Variants in BTBD1 observed in about 807,000 individuals in gnomAD.
BTBD1 encodes the protein BTB domain containing 1.
A neutral mutation model predicts 48.0 loss-of-function variants in BTBD1; 34 were observed. The ratio of observed to expected loss-of-function variants is 0.71; its 90% CI spans 0.54 to 0.94. The LOEUF is 0.94. Ranked by LOEUF, BTBD1 falls within the 40% of genes least tolerant of loss-of-function variation. BTBD1 has a pLI of 0.00. For synonymous variants in BTBD1, 261 were observed against 242.1 expected, an observed-to-expected ratio of 1.08 and a Z score of -0.72; for missense variants, 543 against 625.6, an observed-to-expected ratio of 0.87 and a Z score of 1.41.
rs555868054 is a variant in BTBD1, at chr15:83,033,605, G to A, written c.863-3277C>T. On this transcript the variant is annotated intron_variant, in intron 4 of 7. Transcript: ENST00000261721. ...AATTTTATTTATTTATTTAGAGACA[G>A]GGTCTCACTGTTGCCCAGGTATGGA... Among the ~76,000 whole-genome samples the A allele has an allele frequency of 2.6e-4, 39 of 152,144 alleles. 2 individuals carry two copies. In the South Asian group the frequency reaches 7.7e-3, roughly 30 times the overall value.
intron 5 of BTBD1, among the ~76,000 whole-genome samples, chr15:83,021,662 G>A (rs2032297893): frequency 6.6e-6 from 1 of 151,934 alleles, no homozygotes; most frequent in Non-Finnish European, 1.5e-5. Context: ...ACTGAGGCAG[G>A]AGAATCGTTT....
At chr15:83,022,174 T>G (rs1381467535) in intron 5 of BTBD1, 1 of 151,874 alleles carries the variant, frequency 6.6e-6, no homozygotes, top group Non-Finnish European at 1.5e-5. Flanking sequence ...GCCTCCCAAG[T>G]AGCTGGGCTG....
At chr15:83,060,919 C>CA (rs2033166486) in intron 1 of BTBD1, among the ~76,000 whole-genome samples, 1 of 152,132 alleles carries the variant, frequency 6.6e-6, no homozygotes, top group Admixed American at 6.5e-5. Context: ...TCATTTTACT[C>CA]AAAAACATTT....
At chr15:83,019,501 A>G (rs536371697) in intron 6 of BTBD1, among the ~76,000 whole-genome samples, 150 of 151,138 alleles carry the variant, frequency 9.9e-4, no homozygotes, top group African/African-American at 3.5e-3. Context: ...TGTTTCTATT[A>G]TTTTACTCAC....
At chr15:83,037,622 T>C (rs950764545) in intron 4 of BTBD1, among the ~76,000 whole-genome samples, 10 of 152,100 alleles carry the variant, frequency 6.6e-5, no homozygotes, top group Admixed American at 2.0e-4. Flanking sequence ...ACCTTGAAAT[T>C]AGAAAAAGAC....
chr15:83,027,916 C>T (rs2032441702), intron 5 of BTBD1, among the ~76,000 whole-genome samples: 1 of 152,174 alleles, frequency 6.6e-6, no homozygotes, highest in Admixed American at 6.6e-5. Context: ...TGTTGTCCTG[C>T]CCAAAGTCTA....
At position 83,066,745 on chromosome 15, in the gene BTBD1, G is replaced by A. The variant is rs1404594289; in HGVS notation, c.401+6C>T. ...CCGGCCCGGCCCGGCCCGCGCTGCC[G>A]CTCACCTCAGCAGCGCCAGGAAGGC... On this transcript the variant is annotated splice_donor_region_variant and intron_variant, in intron 1 of 7. Coordinates refer to ENST00000261721, the MANE Select transcript of BTBD1 (RefSeq NM_025238.4). 7 of 1,342,186 alleles carry A rather than the reference G, an allele frequency of 5.2e-6. No homozygotes were observed. Among genetic ancestry groups the A allele is most frequent in the African/African-American group, 3.1e-5 (2 of 63,836 alleles). 83.1% of individuals were successfully genotyped at this position (1,342,186 alleles called of 1,614,324 possible). A position where few individuals can be genotyped will look rare whatever the true frequency, so the allele number is the denominator to read the frequency against.
chr15:83,060,867 CA>C (rs1288875851), intron 1 of BTBD1, among the ~76,000 whole-genome samples: 1 of 152,126 alleles, frequency 6.6e-6, no homozygotes, highest in African/African-American at 2.4e-5. Context: ...TAAGAATGAT[CA>C]CAAGATATGT....
intron 4 of BTBD1, among the ~76,000 whole-genome samples, chr15:83,040,365 G>C (rs532294363): frequency 6.6e-6 from 1 of 152,064 alleles, no homozygotes; most frequent in Non-Finnish European, 1.5e-5. Context: ...AAACAAATCT[G>C]CACGTTACCC....
chr15:83,020,821 G>C, intron 5 of BTBD1, 59 bp from the exon 6 acceptor site: 1 of 1,123,098 alleles, frequency 8.9e-7, no homozygotes, highest in Non-Finnish European at 1.3e-6. Context: ...TATTCTGAAG[G>C]GTTATAATTT....
chr15:83,066,690 AT>A, intron 1 of BTBD1, 60 bp downstream of exon 1: 1 of 1,248,584 alleles, frequency 8.0e-7, no homozygotes, highest in Non-Finnish European at 9.9e-7. Flanking sequence ...GGCCCCGGGG[AT>A]CTCCCAGCCC....
intron 6 of BTBD1, chr15:83,020,465 TG>T (rs1436358747): frequency 4.3e-6 from 2 of 464,774 alleles, no homozygotes; most frequent in Non-Finnish European, 7.5e-6. Flanking sequence ...GCTCCTTATA[TG>T]CTACTGCTTT....
chr15:83,033,637 T>C (rs1703388343), intron 4 of BTBD1, among the ~76,000 whole-genome samples: 1 of 152,180 alleles, frequency 6.6e-6, no homozygotes, highest in Non-Finnish European at 1.5e-5. Context: ...TGGAGTGCAG[T>C]GGTGTGATCA....
intron 1 of BTBD1, among the ~76,000 whole-genome samples, chr15:83,063,876 T>C (rs2033216230): frequency 1.3e-5 from 2 of 152,238 alleles, no homozygotes; most frequent in African/African-American, 4.8e-5. Context: ...TGATTATTTT[T>C]CTTCAAAACA....
intron 1 of BTBD1, 25 bp downstream of exon 1, chr15:83,066,726 C>T: frequency 7.7e-7 from 1 of 1,298,434 alleles, no homozygotes; most frequent in Non-Finnish European, 9.7e-7. Flanking sequence ...CGGCCCGGCC[C>T]GGCCCGGCCC....
intron 2 of BTBD1, among the ~76,000 whole-genome samples, chr15:83,050,429 C>CG (rs2032958895): frequency 2.8e-5 from 3 of 108,164 alleles, no homozygotes; most frequent in Non-Finnish European, 3.9e-5. Flanking sequence ...TTTTTATGTG[C>CG]TTGTGTGTGT....
Position 83,016,429 on chromosome 15 carries a change from TTATATA to T in BTBD1, c.*1632_*1637del, listed in dbSNP as rs911739852. The T allele has an allele frequency of 1.4e-4, 21 of 150,788 alleles. No individual in the cohort carries two copies. The highest frequency in any genetic ancestry group is 3.9e-4 in the African/African-American group (16 of 41,236). 9.3% of individuals were successfully genotyped at this position (150,788 alleles called of 1,614,324 possible). Reference sequence around the variant, plus strand: ...GGCAAATGACATAAAAGAGTTTTTTTTATATATATATATATTTATTTATTTTTAAAA... The same window carrying T: ...GGCAAATGACATAAAAGAGTTTTTTTTATATATATTTATTTATTTTTAAAA... On this transcript the variant is annotated 3_prime_UTR_variant, in exon 8 of 8. Coordinates refer to ENST00000261721, the MANE Select transcript of BTBD1 (RefSeq NM_025238.4).
At chr15:83,019,914 G>A (rs2032256108) in intron 6 of BTBD1, among the ~76,000 whole-genome samples, 2 of 132,198 alleles carry the variant, frequency 1.5e-5, no homozygotes, top group African/African-American at 5.8e-5. Context: ...AGCTTGCAAT[G>A]AGCCAAGATC....
At chr15:83,031,562 G>A (rs1200195513) in intron 4 of BTBD1, among the ~76,000 whole-genome samples, 1 of 152,128 alleles carries the variant, frequency 6.6e-6, no homozygotes, top group Non-Finnish European at 1.5e-5. Context: ...CTCACTCATA[G>A]GTGCGAACTG....
Sources: gnomAD v4.1 joint callset for allele counts (sites outside exome capture counted in the v4.1 genomes callset) on GRCh38, gnomAD v4.1.1 for gene constraint, MANE v1.5 for transcripts, NCBI Gene and HGNC (gene_info 2026-07-23, HGNC 2026-07-21) for gene names.